The following SLC38A12 variants were observed in gnomAD, a reference collection of about 807,000 sequenced individuals.
SLC38A12 encodes solute carrier family 38 member 12.
the SLC38A12 span, among the ~76,000 whole-genome samples, chr17:74,813,079 G>T: frequency 6.6e-6 from 1 of 152,210 alleles, no homozygotes; most frequent in Non-Finnish European, 1.5e-5. Flanking sequence ...TAGTGTTCAT[G>T]GGAGCCAGCG....
the SLC38A12 span, among the ~76,000 whole-genome samples, chr17:74,816,479 C>G: frequency 1.3e-5 from 2 of 152,152 alleles, no homozygotes; most frequent in African/African-American, 4.8e-5. Flanking sequence ...GCCTGCAGTG[C>G]CCTGGGAATG....
the SLC38A12 span, among the ~76,000 whole-genome samples, chr17:74,783,577 G>A: frequency 2.6e-5 from 4 of 152,224 alleles, no homozygotes; most frequent in African/African-American, 9.6e-5. Context: ...TCTCCACAGG[G>A]TGGCCTCCCT....
At chr17:74,785,736 C>G in the SLC38A12 span, 1 of 1,261,904 alleles carries the variant, frequency 7.9e-7, no homozygotes. Context: ...TCAGTGAGTC[C>G]TTGCCAGGGT....
the SLC38A12 span, chr17:74,839,405 G>A: frequency 1.3e-5 from 5 of 370,784 alleles, no homozygotes; most frequent in East Asian, 1.0e-4. Context: ...CCTGGGGGAA[G>A]TGGAAGCGTC....
chr17:74,791,770 A>G, the SLC38A12 span, among the ~76,000 whole-genome samples: 4 of 152,152 alleles, frequency 2.6e-5, no homozygotes, highest in South Asian at 2.1e-4. Context: ...GAGCCACCCA[A>G]CTCTGGGGTT....
At chr17:74,777,629 T>A in the SLC38A12 span, 1 of 1,448,702 alleles carries the variant, frequency 6.9e-7, no homozygotes, top group Non-Finnish European at 9.1e-7. Context: ...GTTTATAATG[T>A]TAATCCCGGG....
the SLC38A12 span, chr17:74,777,655 C>A: frequency 0.62 from 850,227 of 1,365,548 alleles, 264,203 homozygotes; most frequent in Non-Finnish European, 0.65. Flanking sequence ...CACGGTGGCT[C>A]ACGCCTGTAA....
At chr17:74,802,737 T>C in the SLC38A12 span, among the ~76,000 whole-genome samples, 5 of 152,176 alleles carry the variant, frequency 3.3e-5, no homozygotes, top group Admixed American at 1.3e-4. Flanking sequence ...GCTCAAAAAG[T>C]TTCAGATTTT....
the SLC38A12 span, chr17:74,836,129 C>T: frequency 2.9e-5 from 46 of 1,613,870 alleles, no homozygotes; most frequent in South Asian, 4.4e-5. This position sits in a 1 kb window ranked among gnomAD's most constrained non-coding sequence, Gnocchi z 4.2. Flanking sequence ...TCCTGGACTA[C>T]GTGCTGATCC....
chr17:74,777,564 A>C, the SLC38A12 span: 3 of 1,529,236 alleles, frequency 2.0e-6, no homozygotes, highest in East Asian at 2.5e-5. Flanking sequence ...AGTCAGATTT[A>C]TTCTCTTTTT....
chr17:74,790,392 C>T, the SLC38A12 span: 1 of 1,080,902 alleles, frequency 9.3e-7, no homozygotes, highest in Non-Finnish European at 1.4e-6. Flanking sequence ...CCCGCAGATT[C>T]TGGCATTTCC....
chr17:74,807,129 G>A, the SLC38A12 span, among the ~76,000 whole-genome samples: 1 of 134,256 alleles, frequency 7.4e-6, no homozygotes, highest in African/African-American at 2.8e-5. Flanking sequence ...CCCCGCCAGT[G>A]TCATCCCCAG....
the SLC38A12 span, among the ~76,000 whole-genome samples, chr17:74,776,839 C>G: frequency 2.0e-5 from 3 of 152,150 alleles, no homozygotes; most frequent in African/African-American, 7.2e-5. Flanking sequence ...TGTAGGAAAG[C>G]CCCCAGCTCC....
chr17:74,839,267 C>T, the SLC38A12 span: 5 of 1,245,674 alleles, frequency 4.0e-6, no homozygotes, highest in African/African-American at 6.0e-5. Flanking sequence ...ACACAGCTGT[C>T]CTCACTACGG....
the SLC38A12 span, among the ~76,000 whole-genome samples, chr17:74,782,565 A>G: frequency 6.6e-6 from 1 of 152,342 alleles, no homozygotes; most frequent in Admixed American, 6.5e-5. Context: ...TGTACACATG[A>G]GCATGAAAGT....
At chr17:74,786,791 T>C in the SLC38A12 span, among the ~76,000 whole-genome samples, 2 of 152,280 alleles carry the variant, frequency 1.3e-5, 1 homozygote, top group Middle Eastern at 6.8e-3. Flanking sequence ...TGGGGCACTA[T>C]TGGTTCATTA....
the SLC38A12 span, among the ~76,000 whole-genome samples, chr17:74,786,980 A>G: frequency 6.6e-6 from 1 of 152,174 alleles, no homozygotes; most frequent in Non-Finnish European, 1.5e-5. Context: ...TTTGAACGTG[A>G]TCGATGAGTT....
At chr17:74,791,042 A>C in the SLC38A12 span, 3 of 1,611,298 alleles carry the variant, frequency 1.9e-6, no homozygotes, top group Non-Finnish European at 2.5e-6. Context: ...TAAAGGTAGA[A>C]GTTCTTTTGG....
At chr17:74,786,619 C>T in the SLC38A12 span, among the ~76,000 whole-genome samples, 1 of 152,102 alleles carries the variant, frequency 6.6e-6, no homozygotes, top group Non-Finnish European at 1.5e-5. Flanking sequence ...TGCATCTAAG[C>T]AAGGATCTGA....
Sources: gnomAD v4.1 joint callset for allele counts (sites outside exome capture counted in the v4.1 genomes callset) on GRCh38, gnomAD v4.1.1 for gene constraint, Gnocchi (gnomAD v3.1) non-coding constraint, MANE v1.5 for transcripts, NCBI Gene and HGNC (gene_info 2026-07-23, HGNC 2026-07-21) for gene names.